Variants in DCHS2 observed in about 807,000 individuals in gnomAD.
The protein encoded by DCHS2 is dachsous cadherin-related 2, also known as protocadherin-23.
In DCHS2, 142 loss-of-function variants were observed where a neutral mutation model predicts 182.4. The observed-to-expected ratio is 0.78, with a 90% CI of 0.68 to 0.89. The LOEUF (loss-of-function observed/expected upper bound fraction) is 0.89. DCHS2 is among the 40% of genes least tolerant of loss of function. The probability of loss-of-function intolerance (pLI) is 0.00; values close to 1 mark genes in which losing one functional copy is unlikely to be tolerated. For synonymous variants in DCHS2, 1,740 were observed against 1,663.3 expected, an observed-to-expected ratio of 1.05 and a Z score of -1.12; for missense variants, 4,319 against 4,198.6, an observed-to-expected ratio of 1.03 and a Z score of -0.79.
At chr4:154,429,564 C>CGG (rs1560753294) in intron 1 of DCHS2, among the ~76,000 whole-genome samples, 2 of 152,156 alleles carry the variant, frequency 1.3e-5, no homozygotes, top group African/African-American at 2.4e-5. Context: ...CAGCACCCAG[C>CGG]GGCAGCACAT....
At chr4:154,364,690 G>T (rs573693385) in intron 3 of DCHS2, among the ~76,000 whole-genome samples, 3 of 152,226 alleles carry the variant, frequency 2.0e-5, no homozygotes, top group East Asian at 1.9e-4. Flanking sequence ...ACCTAATGGG[G>T]CTGGGTGAGA....
At chr4:154,319,621 G>A (rs1341582139) in intron 9 of DCHS2, among the ~76,000 whole-genome samples, 2 of 137,954 alleles carry the variant, frequency 1.4e-5, no homozygotes, top group African/African-American at 5.6e-5. Context: ...AAACCACAAC[G>A]AGATATTGCT....
chr4:154,287,713 C>T (rs907421836), intron 13 of DCHS2, among the ~76,000 whole-genome samples: 2 of 152,052 alleles, frequency 1.3e-5, no homozygotes, highest in African/African-American at 4.8e-5. Context: ...AACTCCTGGC[C>T]TCAAGTGATC....
At chr4:154,253,597 C>T (rs1732494969) in intron 16 of DCHS2, among the ~76,000 whole-genome samples, 1 of 152,052 alleles carries the variant, frequency 6.6e-6, no homozygotes, top group Non-Finnish European at 1.5e-5. Flanking sequence ...ACTATAGAAA[C>T]AATGTAGCAG....
intron 1 of DCHS2, among the ~76,000 whole-genome samples, chr4:154,405,449 T>C (rs1346300055): frequency 1.3e-5 from 2 of 149,370 alleles, no homozygotes; most frequent in African/African-American, 5.0e-5. Flanking sequence ...GATTCATATT[T>C]ATTCATATAT....
chr4:154,408,931 C>T (rs948024081), intron 1 of DCHS2, among the ~76,000 whole-genome samples: 22 of 152,134 alleles, frequency 1.4e-4, no homozygotes, highest in African/African-American at 3.6e-4. Context: ...GAGTGAGCTG[C>T]GTGGAGTTCC....
At chr4:154,393,693 T>G (rs1320480427) in intron 1 of DCHS2, among the ~76,000 whole-genome samples, 1 of 86,790 alleles carries the variant, frequency 1.2e-5, no homozygotes, top group African/African-American at 2.6e-5. Context: ...AGTCCACTCT[T>G]TCGCTGTTTC....
At position 154,322,471 on chromosome 4, in the gene DCHS2, A is replaced by G. The variant is rs774966270; in HGVS notation, c.4036T>C (p.Phe1346Leu). The G allele has an allele frequency of 1.4e-5, 22 of 1,612,968 alleles. No individual in the cohort carries two copies. Among genetic ancestry groups the G allele is most frequent in the Non-Finnish European group, 1.8e-5 (21 of 1,179,532 alleles). The change falls in exon 8 of 20, where the codon TTT becomes CTT. Residue 1346 changes from phenylalanine (F) to leucine (L), a missense_variant. Transcript: ENST00000357232. Reference sequence around the variant, plus strand: ...TCACCATTGTTGGCGTCAATCTTAAAGTGATCAGAACTATCTTCTACACAC... The same window carrying G: ...TCACCATTGTTGGCGTCAATCTTAAGGTGATCAGAACTATCTTCTACACAC... ...SVSSEDSSDH[F>L]KIDANNGEIR...
intron 16 of DCHS2, among the ~76,000 whole-genome samples, chr4:154,244,693 G>A (rs1731993236): frequency 6.6e-6 from 1 of 152,054 alleles, no homozygotes; most frequent in Non-Finnish European, 1.5e-5. Context: ...TAAATCATCA[G>A]GGCTTATCTA....
intron 1 of DCHS2, among the ~76,000 whole-genome samples, chr4:154,396,141 C>T (rs778375875): frequency 3.9e-5 from 6 of 152,032 alleles, no homozygotes; most frequent in Non-Finnish European, 7.4e-5. Context: ...AAGATTTGAA[C>T]TCTTTCTTAA....
chr4:154,459,140 A>T (rs1734896284), intron 1 of DCHS2, among the ~76,000 whole-genome samples: 1 of 152,214 alleles, frequency 6.6e-6, no homozygotes, highest in Non-Finnish European at 1.5e-5. Flanking sequence ...AATAAGCCAA[A>T]TCAGAAAGTA....
At chr4:154,382,781 T>C (rs1298805432) in intron 1 of DCHS2, among the ~76,000 whole-genome samples, 2 of 151,948 alleles carry the variant, frequency 1.3e-5, no homozygotes, top group Non-Finnish European at 2.9e-5. Context: ...GAAATGCAAA[T>C]CAATACCACA....
chr4:154,421,608 T>C (rs960669315), intron 1 of DCHS2, among the ~76,000 whole-genome samples: 1 of 152,202 alleles, frequency 6.6e-6, no homozygotes, highest in Non-Finnish European at 1.5e-5. Flanking sequence ...TTGGCCAGGC[T>C]GGTCTCGAAC....
intron 13 of DCHS2, among the ~76,000 whole-genome samples, chr4:154,282,354 G>C (rs1734185673): frequency 6.6e-6 from 1 of 151,916 alleles, no homozygotes; most frequent in Non-Finnish European, 1.5e-5. Context: ...CAAATAACCT[G>C]ATTAAAAATG....
In DCHS2 at chr4:154,232,709, A is replaced by C. The variant is rs1361064171; in HGVS notation, c.*1827T>G. 6.6e-6 allele frequency: 1 copy of C among 151,830 alleles called. No homozygotes were observed. The highest frequency in any genetic ancestry group is 1.5e-5 in the Non-Finnish European group (1 of 68,004). The allele number at this position is 151,830 out of a possible 1,614,324, so 9.4% of individuals were successfully genotyped here. ...AGTCAGAGATAATAAATACTGGAAC[A>C]CATAAATGATTAAATATGTGTGGGT... On this transcript the variant is annotated 3_prime_UTR_variant, in exon 20 of 20. Coordinates refer to ENST00000357232, the MANE Select transcript of DCHS2 (RefSeq NM_001358235.2).
intron 1 of DCHS2, among the ~76,000 whole-genome samples, chr4:154,448,011 A>G (rs1011309835): frequency 2.0e-5 from 3 of 152,206 alleles, no homozygotes; most frequent in Non-Finnish European, 4.4e-5. Flanking sequence ...AAACTACCTC[A>G]GTCCTGTTTC....
intron 16 of DCHS2, among the ~76,000 whole-genome samples, chr4:154,244,054 C>T (rs1437748559): frequency 2.6e-5 from 4 of 152,166 alleles, no homozygotes; most frequent in South Asian, 2.1e-4. Flanking sequence ...CACATCTCTG[C>T]GAAGTTGTCA....
intron 13 of DCHS2, among the ~76,000 whole-genome samples, chr4:154,288,193 A>G (rs1734494300): frequency 6.6e-6 from 1 of 152,160 alleles, no homozygotes. Context: ...CACCTCACCT[A>G]TGAAGAGACA....
At chr4:154,357,199 T>C in intron 3 of DCHS2, 1 of 1,538,042 alleles carries the variant, frequency 6.5e-7, no homozygotes, top group Non-Finnish European at 9.0e-7. Flanking sequence ...CTGGCTTTTT[T>C]GGAGAAGGCT....
Sources: allele counts gnomAD v4.1 joint callset (sites outside exome capture counted in the v4.1 genomes callset), GRCh38; gene constraint gnomAD v4.1.1; transcripts MANE v1.5; gene names NCBI Gene and HGNC (gene_info 2026-07-23, HGNC 2026-07-21).